Variants in KIAA1328 observed in about 807,000 individuals in gnomAD.
The protein encoded by KIAA1328 is protein hinderin.
A neutral mutation model predicts 68.1 loss-of-function variants in KIAA1328; 52 were observed. The ratio of observed to expected loss-of-function variants is 0.76; its 90% CI spans 0.61 to 0.96. The LOEUF is 0.96. Ranked by LOEUF, KIAA1328 falls within the 40% of genes least tolerant of loss-of-function variation. KIAA1328 has a pLI of 0.00. For missense variants in KIAA1328, 641 were observed against 677.6 expected (o/e 0.95, Z 0.60); for synonymous variants, 232 against 239.4 (o/e 0.97, Z 0.28).
At chr18:36,951,483 A>G (rs2051158800) in intron 5 of KIAA1328, among the ~76,000 whole-genome samples, 1 of 152,220 alleles carries the variant, frequency 6.6e-6, no homozygotes, top group African/African-American at 2.4e-5. Flanking sequence ...TTAATGAACA[A>G]ACAAAACCTG....
chr18:37,105,540 G>A (rs1401958040), intron 7 of KIAA1328, among the ~76,000 whole-genome samples: 1 of 147,206 alleles, frequency 6.8e-6, no homozygotes, highest in East Asian at 2.0e-4. Context: ...CTGCAGAAAA[G>A]TATTTGCTAT....
rs1181652398 is a variant in KIAA1328, at chr18:37,070,576, A to AT, written c.1232+3047dup. Among the ~76,000 whole-genome samples the AT allele has an allele frequency of 4.1e-3, 569 of 139,546 alleles. 2 individuals carry two copies. The highest frequency in any genetic ancestry group is 4.6e-3 in the Admixed American group (64 of 13,940). 91.5% of individuals were successfully genotyped at this position (139,546 alleles called of 152,430 possible). ...GTAATGTCTTTCTCTGTCCCCAGTA[A>AT]TTTTTTTTTTTTTTTTGAGACAGAG... is the stretch of plus-strand genomic sequence containing the variant. On this transcript the variant is annotated intron_variant, in intron 7 of 9. Coordinates refer to ENST00000280020, the MANE Select transcript of KIAA1328 (RefSeq NM_020776.3).
At chr18:36,911,175 T>G (rs2049432053) in intron 5 of KIAA1328, among the ~76,000 whole-genome samples, 1 of 152,190 alleles carries the variant, frequency 6.6e-6, no homozygotes, top group South Asian at 2.1e-4. Context: ...TTTTATATAC[T>G]ATCTTATGAT....
chr18:36,867,643 TG>T (rs1442643398), intron 4 of KIAA1328, among the ~76,000 whole-genome samples: 11 of 152,348 alleles, frequency 7.2e-5, no homozygotes, highest in African/African-American at 2.6e-4. Context: ...AGGGTTTAAT[TG>T]AAGTCTTCTC....
chr18:36,937,981 G>A (rs1213229449), intron 5 of KIAA1328, among the ~76,000 whole-genome samples: 1 of 151,984 alleles, frequency 6.6e-6, no homozygotes, highest in Non-Finnish European at 1.5e-5. Context: ...ATTCTGTATA[G>A]TATATATTTC....
intron 4 of KIAA1328, among the ~76,000 whole-genome samples, chr18:36,862,759 A>G (rs983177096): frequency 6.6e-6 from 1 of 152,112 alleles, no homozygotes; most frequent in African/African-American, 2.4e-5. Flanking sequence ...ATTTTCCAGA[A>G]TTTTTGCACC....
intron 9 of KIAA1328, among the ~76,000 whole-genome samples, chr18:37,194,116 T>C (rs1256660184): frequency 6.6e-6 from 1 of 152,230 alleles, no homozygotes; most frequent in East Asian, 1.9e-4. Context: ...TGAGGATATC[T>C]GTAGGATAAA....
chr18:37,190,755 A>G (rs1041885595), intron 9 of KIAA1328, among the ~76,000 whole-genome samples: 2 of 152,286 alleles, frequency 1.3e-5, no homozygotes, highest in Admixed American at 6.5e-5. Flanking sequence ...GACCCAAACA[A>G]GGGATGTGAG....
chr18:36,849,095 G>C (rs1166521292), intron 4 of KIAA1328, among the ~76,000 whole-genome samples: 1 of 151,690 alleles, frequency 6.6e-6, no homozygotes, highest in African/African-American at 2.4e-5. Flanking sequence ...GTTCAGTAGT[G>C]GTAAGTACAT....
intron 5 of KIAA1328, among the ~76,000 whole-genome samples, chr18:36,958,851 A>G (rs1046133896): frequency 6.8e-6 from 1 of 146,528 alleles, no homozygotes; most frequent in Non-Finnish European, 1.5e-5. Context: ...TAATTTGTCT[A>G]TTTTTTTTTT....
intron 9 of KIAA1328, among the ~76,000 whole-genome samples, chr18:37,204,567 A>G (rs1280936245): frequency 2.6e-5 from 4 of 152,198 alleles, no homozygotes; most frequent in African/African-American, 4.8e-5. Context: ...TGTAAATGGA[A>G]CAGGCTAAAG....
intron 4 of KIAA1328, among the ~76,000 whole-genome samples, chr18:36,846,501 G>T (rs1417412158): frequency 6.6e-6 from 1 of 151,498 alleles, no homozygotes; most frequent in African/African-American, 2.4e-5. Context: ...ACATGAACCA[G>T]TTTTTAAGTG....
intron 6 of KIAA1328, among the ~76,000 whole-genome samples, chr18:36,982,095 T>C (rs556723821): frequency 2.1e-5 from 3 of 144,284 alleles, no homozygotes; most frequent in South Asian, 2.1e-4. Flanking sequence ...TATATTATAT[T>C]ATATATAATA....
chr18:36,954,148 G>A (rs1399708392), intron 5 of KIAA1328, among the ~76,000 whole-genome samples: 3 of 151,860 alleles, frequency 2.0e-5, no homozygotes, highest in African/African-American at 7.2e-5. Context: ...GACTACAGGC[G>A]CCTGCCACCG....
chr18:36,954,896 A>G (rs1277619894), intron 5 of KIAA1328, among the ~76,000 whole-genome samples: 1 of 151,702 alleles, frequency 6.6e-6, no homozygotes, highest in Non-Finnish European at 1.5e-5. Flanking sequence ...GCATTTCACC[A>G]TGCCTGGGCA....
chr18:37,100,707 C>T (rs1343147635), intron 7 of KIAA1328, among the ~76,000 whole-genome samples: 20 of 152,312 alleles, frequency 1.3e-4, no homozygotes, highest in African/African-American at 2.9e-4. Context: ...GATCTGAGAA[C>T]GAACAGACTG....
chr18:36,857,700 G>A (rs976513087), intron 4 of KIAA1328, among the ~76,000 whole-genome samples: 2 of 152,116 alleles, frequency 1.3e-5, no homozygotes, highest in African/African-American at 4.8e-5. Flanking sequence ...GTTAGTTTTT[G>A]CCAGCTTAAC....
chr18:37,012,662 A>T (rs322640), intron 6 of KIAA1328, among the ~76,000 whole-genome samples: 11,005 of 152,250 alleles, frequency 0.072, 536 homozygotes, highest in Middle Eastern at 0.12. Context: ...TATCTTACAC[A>T]GTAGATGAAT....
At chr18:36,939,088 C>G (rs1026225056) in intron 5 of KIAA1328, among the ~76,000 whole-genome samples, 3 of 152,088 alleles carry the variant, frequency 2.0e-5, no homozygotes, top group African/African-American at 7.2e-5. Flanking sequence ...TTTTGTAGTA[C>G]AGATTTGGGG....
Sources: allele counts gnomAD v4.1 joint callset (sites outside exome capture counted in the v4.1 genomes callset), GRCh38; gene constraint gnomAD v4.1.1; transcripts MANE v1.5; gene names NCBI Gene and HGNC (gene_info 2026-07-23, HGNC 2026-07-21).